The following PRORP variants were observed in gnomAD, a reference collection of about 807,000 sequenced individuals.
PRORP encodes the protein mitochondrial ribonuclease P catalytic subunit.
A neutral mutation model predicts 59.4 loss-of-function variants in PRORP; 51 were observed. That is an observed-to-expected ratio of 0.86 (90% CI 0.69 to 1.08). The LOEUF (loss-of-function observed/expected upper bound fraction) is 1.08. PRORP is among the 50% of genes least tolerant of loss of function. The pLI is 0.00. For synonymous variants in PRORP, 231 were observed against 245.6 expected (o/e 0.94, Z 0.55); for missense variants, 646 against 690.3 (o/e 0.94, Z 0.72).
upstream of PRORP, chr14:35,122,042 G>T: frequency 6.6e-7 from 1 of 1,509,156 alleles, no homozygotes; most frequent in South Asian, 1.1e-5. Flanking sequence ...GCACCGCCAG[G>T]CCCCGTAAAG....
chr14:35,181,639 G>T (rs909485330), intron 5 of PRORP, among the ~76,000 whole-genome samples: 5 of 151,750 alleles, frequency 3.3e-5, no homozygotes, highest in Admixed American at 3.3e-4. Context: ...ACAAAAATTA[G>T]TTGGGCATGG....
intron 5 of PRORP, among the ~76,000 whole-genome samples, chr14:35,248,302 T>A (rs1322956401): frequency 6.6e-6 from 1 of 152,194 alleles, no homozygotes; most frequent in African/African-American, 2.4e-5. Flanking sequence ...TTAAATACTT[T>A]TAGATCTGTG....
chr14:35,125,048 A>G (rs2138768860), intron 2 of PRORP, among the ~76,000 whole-genome samples: 1 of 151,962 alleles, frequency 6.6e-6, no homozygotes, highest in Admixed American at 6.6e-5. Context: ...TCTTTTTAGT[A>G]GAGACGGGGT....
intron 4 of PRORP, among the ~76,000 whole-genome samples, chr14:35,147,345 ATTTC>A (rs2047636794): frequency 6.6e-6 from 1 of 151,906 alleles, no homozygotes; most frequent in Non-Finnish European, 1.5e-5. Flanking sequence ...AGCTATGACA[ATTTC>A]TTTATTTTTT....
intron 3 of PRORP, among the ~76,000 whole-genome samples, chr14:35,127,158 G>A (rs1189871403): frequency 6.6e-6 from 1 of 151,966 alleles, no homozygotes; most frequent in African/African-American, 2.4e-5. Context: ...TTGGGAGGCC[G>A]AGGCAGGCAG....
intron 6 of PRORP, among the ~76,000 whole-genome samples, chr14:35,269,635 C>G (rs1346954096): frequency 6.6e-6 from 1 of 152,052 alleles, no homozygotes; most frequent in Admixed American, 6.6e-5. Context: ...TACATTTTTT[C>G]TTTTTCTTTT....
intron 4 of PRORP, among the ~76,000 whole-genome samples, chr14:35,159,711 T>C (rs977400725): frequency 6.6e-6 from 1 of 152,180 alleles, no homozygotes; most frequent in African/African-American, 2.4e-5. Flanking sequence ...ATCTTTACAA[T>C]AACTTTGAGG....
chr14:35,265,823 C>A (rs1461841713), intron 5 of PRORP, among the ~76,000 whole-genome samples: 2 of 151,902 alleles, frequency 1.3e-5, no homozygotes, highest in Non-Finnish European at 2.9e-5. Context: ...AAACAAAATC[C>A]CATCCCTCTT....
At chr14:35,156,151 G>A (rs928951418) in intron 4 of PRORP, among the ~76,000 whole-genome samples, 3 of 152,202 alleles carry the variant, frequency 2.0e-5, no homozygotes, top group Non-Finnish European at 4.4e-5. Context: ...ATTAATTCTG[G>A]TGTGGTTAGG....
intron 5 of PRORP, among the ~76,000 whole-genome samples, chr14:35,224,750 C>T (rs1185794595): frequency 2.0e-5 from 3 of 152,188 alleles, no homozygotes; most frequent in African/African-American, 7.2e-5. Context: ...TTAGTTATAA[C>T]TTGGCCAAAA....
chr14:35,178,174 A>G (rs1359625702), intron 4 of PRORP, among the ~76,000 whole-genome samples: 2 of 152,012 alleles, frequency 1.3e-5, no homozygotes, highest in South Asian at 2.1e-4. Flanking sequence ...TATGTGGTCA[A>G]TTTTGGAATA....
chr14:35,239,827 C>T (rs2050315294), intron 5 of PRORP, among the ~76,000 whole-genome samples: 1 of 152,132 alleles, frequency 6.6e-6, no homozygotes, highest in Non-Finnish European at 1.5e-5. Context: ...GTAATCCCAG[C>T]ACTTTGGGAG....
chr14:35,270,993 A>T (rs1434490895), intron 7 of PRORP, among the ~76,000 whole-genome samples: 1 of 151,166 alleles, frequency 6.6e-6, no homozygotes, highest in African/African-American at 2.4e-5. Flanking sequence ...AGGCTGAGGC[A>T]GGAGAATGTC....
chr14:35,160,354 A>G (rs2048026931), intron 4 of PRORP, among the ~76,000 whole-genome samples: 1 of 152,186 alleles, frequency 6.6e-6, no homozygotes, highest in South Asian at 2.1e-4. Context: ...CTACTCTGTT[A>G]CTACTGCAGT....
chr14:35,234,227 G>A (rs2050149835), intron 5 of PRORP, among the ~76,000 whole-genome samples: 1 of 152,200 alleles, frequency 6.6e-6, no homozygotes, highest in Non-Finnish European at 1.5e-5. Context: ...TTTAGAGATT[G>A]TGCAATTAGG....
intron 5 of PRORP, among the ~76,000 whole-genome samples, chr14:35,263,546 G>C (rs2050960098): frequency 9.3e-6 from 1 of 108,032 alleles, no homozygotes; most frequent in South Asian, 3.0e-4. Context: ...AATTAGCCAG[G>C]CATGGGTGGC....
chr14:35,178,726 G>A (rs370646888), intron 4 of PRORP, among the ~76,000 whole-genome samples: 16 of 150,278 alleles, frequency 1.1e-4, no homozygotes, highest in East Asian at 7.9e-4. Flanking sequence ...TTTAATTGGA[G>A]CATTTAGCCC....
In PRORP at chr14:35,123,268, T is replaced by G. The variant is rs758512065; in HGVS notation, c.23T>G (p.Ile8Ser). 4 of 1,611,292 alleles carry G rather than the reference T, an allele frequency of 2.5e-6. No homozygotes were observed. The highest frequency in any genetic ancestry group is 3.4e-6 in the Non-Finnish European group (4 of 1,179,092). ...ATAATGACTTTCTATTTGTTTGGTA[T>G]TCGAAGCTTTCCGAAGCTTTGGAAG... MTFYLFGIRSFPKLWKSP... is the reference protein window; with the variant it reads MTFYLFGSRSFPKLWKSP... The change falls in exon 2 of 8, where the codon ATT (isoleucine) becomes AGT (serine). Residue 8 changes from isoleucine to serine, a missense_variant. Physicochemically the swap from Ile to Ser is moderately radical, Grantham distance 142 (BLOSUM62 -2). Transcript: ENST00000534898.
chr14:35,264,899 G>A (rs1417400038), intron 5 of PRORP, among the ~76,000 whole-genome samples: 1 of 152,168 alleles, frequency 6.6e-6, no homozygotes, highest in African/African-American at 2.4e-5. Flanking sequence ...TGTGGCAGAA[G>A]ACTTGTTTGA....
Sources: allele counts gnomAD v4.1 joint callset (sites outside exome capture counted in the v4.1 genomes callset), GRCh38; gene constraint gnomAD v4.1.1; transcripts MANE v1.5; gene names NCBI Gene and HGNC (gene_info 2026-07-23, HGNC 2026-07-21).